Variants in FMN1 observed in about 807,000 individuals in gnomAD.
FMN1 encodes the protein formin-1.
Under a neutral mutation model 132.4 loss-of-function variants are expected in FMN1, and 110 were observed. The observed-to-expected ratio is 0.83, with a 90% CI of 0.71 to 0.97. The LOEUF is 0.97. Among genes scored for constraint, FMN1 ranks in the 50% least tolerant of loss-of-function variants. The pLI, the probability that FMN1 is intolerant of heterozygous loss-of-function variation, is 0.00. For missense variants in FMN1, 1,792 were observed against 1,705.3 expected (o/e 1.05, Z -0.90); for synonymous variants, 722 against 651.7 (o/e 1.11, Z -1.64).
At chr15:32,906,304 C>T (rs1245620806) in intron 12 of FMN1, among the ~76,000 whole-genome samples, 1 of 152,074 alleles carries the variant, frequency 6.6e-6, no homozygotes, top group South Asian at 2.1e-4. Context: ...ACGATGTTTA[C>T]GTTTCTAAAT....
Position 32,964,098 on chromosome 15 carries a change from A to T in FMN1, c.3138+9T>A, listed in dbSNP as rs1446997555. On this transcript the variant is annotated intron_variant, in intron 9 of 20. Coordinates refer to ENST00000616417, the MANE Select transcript of FMN1 (RefSeq NM_001277313.2). ...ATATAATTACAGCTTTGCCATAATC[A>T]CTCAGTACCTTTTTGACCTTGTTTT... is the stretch of plus-strand genomic sequence containing the variant. The T allele has an allele frequency of 6.2e-7, 1 of 1,604,790 alleles. No homozygotes were observed. The highest frequency in any genetic ancestry group is 1.7e-5 in the Admixed American group (1 of 58,994).
intron 16 of FMN1, among the ~76,000 whole-genome samples, chr15:32,885,960 C>T (rs1355246623): frequency 1.3e-5 from 2 of 152,108 alleles, no homozygotes; most frequent in South Asian, 2.1e-4. Flanking sequence ...CTCAAAGCCT[C>T]ATCAAATCTT....
At chr15:32,811,669 CT>C (rs61341012) in intron 17 of FMN1, among the ~76,000 whole-genome samples, 174 of 145,118 alleles carry the variant, frequency 1.2e-3, no homozygotes, top group African/African-American at 1.2e-3. Flanking sequence ...ATTTTATTTG[CT>C]TTTTTTTTTT....
chr15:32,949,866 AC>A (rs1213326713), intron 9 of FMN1, among the ~76,000 whole-genome samples: 6 of 147,986 alleles, frequency 4.1e-5, no homozygotes, highest in Non-Finnish European at 7.4e-5. Flanking sequence ...CAAGAAAAAA[AC>A]AACCCCATTA....
chr15:32,819,146 G>C (rs1271275163), intron 17 of FMN1, among the ~76,000 whole-genome samples: 1 of 152,148 alleles, frequency 6.6e-6, no homozygotes, highest in Non-Finnish European at 1.5e-5. Flanking sequence ...GCTGAGCTCT[G>C]CCTCTTCAAG....
intron 12 of FMN1, among the ~76,000 whole-genome samples, chr15:32,904,404 T>C (rs534562079): frequency 1.3e-5 from 2 of 152,246 alleles, no homozygotes; most frequent in South Asian, 4.1e-4. Context: ...TGAAGGGTTC[T>C]AAACAGGAAG....
intron 3 of FMN1, among the ~76,000 whole-genome samples, chr15:33,155,640 C>T (rs1964640914): frequency 6.6e-6 from 1 of 152,176 alleles, no homozygotes; most frequent in South Asian, 2.1e-4. Context: ...TAACTCAAGT[C>T]TTAATCAAGT....
intron 4 of FMN1, among the ~76,000 whole-genome samples, chr15:33,113,710 T>C (rs892821062): frequency 7.2e-5 from 11 of 152,124 alleles, no homozygotes; most frequent in African/African-American, 2.7e-4. Flanking sequence ...GGGCCCCACG[T>C]TGAACACTGT....
chr15:33,024,223 A>ATTTTTTTTT lies in FMN1; in HGVS notation c.2162-16157_2162-16149dup, dbSNP rs555760509. On this transcript the variant is annotated intron_variant, in intron 6 of 20. Transcript: ENST00000616417. ...GGGAATACTATTTCACACCTATCAG[A>ATTTTTTTTT]TTTTTTTTTTTTTTTTTTTTTTTTT... Among the ~76,000 whole-genome samples the ATTTTTTTTT allele has an allele frequency of 7.3e-4, 64 of 88,014 alleles. 9 individuals are homozygous for ATTTTTTTTT. Among genetic ancestry groups the ATTTTTTTTT allele is most frequent in the East Asian group, 1.9e-3 (4 of 2,086 alleles). The allele number at this position is 88,014 out of a possible 152,430, so 57.7% of individuals were successfully genotyped here. A position where few individuals can be genotyped will look rare whatever the true frequency, so the allele number is the denominator to read the frequency against.
At chr15:33,125,991 G>A (rs958029590) in intron 4 of FMN1, among the ~76,000 whole-genome samples, 1 of 147,236 alleles carries the variant, frequency 6.8e-6, no homozygotes, top group Non-Finnish European at 1.5e-5. Context: ...TAGGAAAGTG[G>A]CTTCTAAATC....
rs1487413126 is a variant in FMN1, at chr15:32,857,021, G to T, written c.3922C>A (p.Gln1308Lys). Reference sequence around the variant, plus strand: ...GGCTGACAAAGCTTCCTACCTTTTTGGAAGAACTCCTCTAGTTTGTCCTTG... The same window carrying T: ...GGCTGACAAAGCTTCCTACCTTTTTTGAAGAACTCCTCTAGTTTGTCCTTG... Reference protein sequence around the residue: ...PFKDKLEEFFQKAKKEHKMEE... With the variant: ...PFKDKLEEFFKKAKKEHKMEE... The change falls in exon 17 of 21, where the codon CAA becomes AAA. Residue 1308 changes from glutamine to lysine, a missense_variant. Transcript: ENST00000616417. 8 of 1,609,768 alleles carry T rather than the reference G, an allele frequency of 5.0e-6. No individual in the cohort carries two copies. The African/African-American group carries it at 1.1e-4, about 22-fold the overall frequency.
At chr15:32,899,227 G>A (rs2060234539) in intron 14 of FMN1, among the ~76,000 whole-genome samples, 2 of 152,192 alleles carry the variant, frequency 1.3e-5, no homozygotes, top group African/African-American at 4.8e-5. Context: ...AAGGGAACCA[G>A]GGCCTAGAAC....
chr15:33,168,324 G>T (rs1167594661), intron 3 of FMN1, among the ~76,000 whole-genome samples: 1 of 152,198 alleles, frequency 6.6e-6, no homozygotes, highest in Non-Finnish European at 1.5e-5. Flanking sequence ...GAAAAATATG[G>T]TTAACAGATT....
intron 10 of FMN1, among the ~76,000 whole-genome samples, chr15:32,921,974 T>C (rs930709503): frequency 3.9e-5 from 6 of 152,194 alleles, no homozygotes; most frequent in Non-Finnish European, 5.9e-5. Flanking sequence ...TTTTGTTTCA[T>C]GCTCTTTCCT....
At chr15:33,007,115 T>G (rs79002223) in intron 7 of FMN1, among the ~76,000 whole-genome samples, 2,103 of 152,272 alleles carry the variant, frequency 0.014, 62 homozygotes, top group African/African-American at 0.049. Context: ...AAAGTATATA[T>G]TAATTAGCTC....
chr15:32,854,846 G>A (rs2059089013), intron 17 of FMN1, among the ~76,000 whole-genome samples: 2 of 151,818 alleles, frequency 1.3e-5, no homozygotes, highest in South Asian at 4.2e-4. Flanking sequence ...CCCGGGAGGT[G>A]GAGGTTGCAG....
intron 9 of FMN1, among the ~76,000 whole-genome samples, chr15:32,932,991 T>C (rs576810709): frequency 2.6e-5 from 4 of 152,310 alleles, no homozygotes; most frequent in South Asian, 2.1e-4. Flanking sequence ...TTGCTTTTTT[T>C]CTGCTGAAAT....
intron 4 of FMN1, among the ~76,000 whole-genome samples, chr15:33,129,193 C>T (rs1300563682): frequency 6.6e-6 from 1 of 152,168 alleles, no homozygotes; most frequent in Non-Finnish European, 1.5e-5. Flanking sequence ...TTAAGTAATA[C>T]CACAATGCAG....
At chr15:32,900,909 G>A (rs8032145) in intron 13 of FMN1, among the ~76,000 whole-genome samples, 8,756 of 152,028 alleles carry the variant, frequency 0.058, 628 homozygotes, top group African/African-American at 0.17. Context: ...ATCCCAGCAC[G>A]TTGGGAGGCC....
Sources: allele counts gnomAD v4.1 joint callset (sites outside exome capture counted in the v4.1 genomes callset), GRCh38; gene constraint gnomAD v4.1.1; transcripts MANE v1.5; gene names NCBI Gene and HGNC (gene_info 2026-07-23, HGNC 2026-07-21).